The following DLGAP1 variants were observed in gnomAD, a reference collection of about 807,000 sequenced individuals.
The protein encoded by DLGAP1 is disks large-associated protein 1.
DLGAP1 carries 11 observed loss-of-function variants against 90.8 expected under a neutral mutation model. The observed-to-expected ratio is 0.12, with a 90% CI of 0.08 to 0.20. The LOEUF (loss-of-function observed/expected upper bound fraction) is 0.20, where lower values mean the gene tolerates loss of function less well. Among genes scored for constraint, DLGAP1 ranks in the 10% least tolerant of loss-of-function variants. The pLI is 1.00. For synonymous variants in DLGAP1, 558 were observed against 540.7 expected, an observed-to-expected ratio of 1.03 and a Z score of -0.44; for missense variants, 1,050 against 1,333.8, an observed-to-expected ratio of 0.79 and a Z score of 3.31.
intron 2 of DLGAP1, among the ~76,000 whole-genome samples, chr18:4,045,430 T>TA (rs1691958484): frequency 6.0e-5 from 1 of 16,594 alleles, no homozygotes; most frequent in Non-Finnish European, 1.0e-4. Flanking sequence ...ACCCCATCTC[T>TA]ACAAAAAAAA....
At chr18:3,838,951 G>C (rs1383463182) in intron 4 of DLGAP1, among the ~76,000 whole-genome samples, 1 of 152,060 alleles carries the variant, frequency 6.6e-6, no homozygotes, top group Non-Finnish European at 1.5e-5. Flanking sequence ...TAAAAGAGAT[G>C]GCAAATTAGA....
intron 5 of DLGAP1, among the ~76,000 whole-genome samples, chr18:3,772,386 TTCTTTCTTTCTTTC>T (rs2064702175): frequency 1.0e-4 from 1 of 9,604 alleles, no homozygotes; most frequent in African/African-American, 1.5e-4. Flanking sequence ...CTTTCTTTCT[TTCTTTCTTTCTTTC>T]TTTCTTTCTC....
intron 8 of DLGAP1, among the ~76,000 whole-genome samples, chr18:3,574,779 T>TTTTTATTTTA (rs71366687): frequency 0.021 from 2,924 of 140,916 alleles, 50 homozygotes; most frequent in Non-Finnish European, 0.029. Flanking sequence ...ATAATGTGCC[T>TTTTTATTTTA]TTTTATTTTA....
At chr18:4,172,951 T>C (rs2077047508) in intron 1 of DLGAP1, among the ~76,000 whole-genome samples, 1 of 152,234 alleles carries the variant, frequency 6.6e-6, no homozygotes, top group Non-Finnish European at 1.5e-5. Flanking sequence ...GTTGTTCTCA[T>C]CCAAACTGTT....
At chr18:3,796,922 G>A (rs1179136073) in intron 5 of DLGAP1, among the ~76,000 whole-genome samples, 1 of 152,204 alleles carries the variant, frequency 6.6e-6, no homozygotes, top group Non-Finnish European at 1.5e-5. Flanking sequence ...TGATTCATAT[G>A]TTGAGGCCCT....
chr18:4,428,916 A>T (rs571247044), intron 1 of DLGAP1, among the ~76,000 whole-genome samples: 30 of 152,300 alleles, frequency 2.0e-4, no homozygotes, highest in African/African-American at 7.2e-4. Context: ...AACAAATCAG[A>T]TCCCATGGGG....
At chr18:3,739,610 A>G (rs1273200035) in intron 6 of DLGAP1, among the ~76,000 whole-genome samples, 1 of 118,958 alleles carries the variant, frequency 8.4e-6, no homozygotes, top group African/African-American at 3.3e-5. Context: ...GGAACATCAC[A>G]CTCTGGGGAC....
Position 4,378,260 on chromosome 18 carries a change from G to A in DLGAP1, c.-267+76746C>T, listed in dbSNP as rs1030535350. Among the ~76,000 whole-genome samples the A allele has an allele frequency of 5.9e-5, 9 of 151,540 alleles. No homozygotes were observed. The highest frequency in any genetic ancestry group is 1.2e-4 in the African/African-American group (5 of 41,298). On this transcript the variant is annotated intron_variant, in intron 1 of 12. Transcript: ENST00000315677. This position sits in a 1 kb window ranked among gnomAD's most constrained non-coding sequence, Gnocchi z 4.5. ...GAAAGAGGTAAGAATAAAAGTCTTC[G>A]CATTTTACATTTTATTTTTCACATT... is the stretch of plus-strand genomic sequence containing the variant.
chr18:4,085,202 C>T (rs866524066), intron 2 of DLGAP1, among the ~76,000 whole-genome samples: 3 of 152,252 alleles, frequency 2.0e-5, no homozygotes, highest in Middle Eastern at 6.8e-3. Flanking sequence ...ATCTAATTGT[C>T]AGCCTTTTTA....
At chr18:3,947,104 C>T (rs932962188) in intron 3 of DLGAP1, among the ~76,000 whole-genome samples, 13 of 152,106 alleles carry the variant, frequency 8.5e-5, no homozygotes, top group African/African-American at 2.9e-4. Flanking sequence ...CTAAACCCAC[C>T]GTTTTTTCCT....
chr18:4,296,428 A>G (rs1279640726), intron 1 of DLGAP1, among the ~76,000 whole-genome samples: 1 of 152,204 alleles, frequency 6.6e-6, no homozygotes, highest in Non-Finnish European at 1.5e-5. Flanking sequence ...CATTTTAGCA[A>G]TGAACAGAAA....
intron 8 of DLGAP1, among the ~76,000 whole-genome samples, chr18:3,570,938 A>G (rs1313871796): frequency 6.6e-6 from 1 of 151,650 alleles, no homozygotes; most frequent in African/African-American, 2.4e-5. Flanking sequence ...CAAAAAAAAA[A>G]AAAAAGGTAA....
intron 7 of DLGAP1, among the ~76,000 whole-genome samples, chr18:3,652,180 A>G (rs1457474016): frequency 7.2e-6 from 1 of 138,440 alleles, no homozygotes; most frequent in East Asian, 2.0e-4. Context: ...AAAAAAAAAA[A>G]GAAAAGAAAG....
intron 1 of DLGAP1, among the ~76,000 whole-genome samples, chr18:4,219,239 A>AT (rs2078027376): frequency 6.6e-6 from 1 of 151,524 alleles, no homozygotes; most frequent in Admixed American, 6.6e-5. Context: ...GATAATAAAC[A>AT]TTTTTTCATA....
intron 1 of DLGAP1, among the ~76,000 whole-genome samples, chr18:4,166,788 T>C (rs2076940357): frequency 1.3e-5 from 2 of 152,154 alleles, no homozygotes; most frequent in Admixed American, 1.3e-4. Flanking sequence ...CACAAAAAGA[T>C]AAATATTGTA....
intron 1 of DLGAP1, among the ~76,000 whole-genome samples, chr18:4,351,422 TAGCTCTG>T (rs1384194733): frequency 6.6e-6 from 1 of 152,230 alleles, no homozygotes; most frequent in Non-Finnish European, 1.5e-5. Context: ...AAGTTATTAG[TAGCTCTG>T]AGATAAATAA....
chr18:3,988,079 T>C (rs2149044210), intron 3 of DLGAP1, among the ~76,000 whole-genome samples: 1 of 152,180 alleles, frequency 6.6e-6, no homozygotes, highest in African/African-American at 2.4e-5. Context: ...ATGGGAGCCC[T>C]GAGTTTGTTT....
intron 1 of DLGAP1, among the ~76,000 whole-genome samples, chr18:4,302,071 G>T (rs9965428): frequency 0.3 from 45,922 of 151,890 alleles, 7,715 homozygotes; most frequent in African/African-American, 0.46. Flanking sequence ...TACAAATATA[G>T]TCTCCCAATC....
At chr18:3,749,913 TTTC>T (rs2063430993) in intron 5 of DLGAP1, among the ~76,000 whole-genome samples, 2 of 152,206 alleles carry the variant, frequency 1.3e-5, no homozygotes, top group South Asian at 4.1e-4. Context: ...ATAATCATAT[TTTC>T]TTGTTTCTAC....
Sources: gnomAD v4.1 joint callset for allele counts (sites outside exome capture counted in the v4.1 genomes callset) on GRCh38, gnomAD v4.1.1 for gene constraint, Gnocchi (gnomAD v3.1) non-coding constraint, MANE v1.5 for transcripts, NCBI Gene and HGNC (gene_info 2026-07-23, HGNC 2026-07-21) for gene names.